ADGB: variants seen among roughly 807,000 people sequenced by gnomAD.
ADGB encodes the protein androglobin.
In ADGB, 172 loss-of-function variants were observed where a neutral mutation model predicts 210.5. The observed-to-expected ratio is 0.82, with a 90% confidence interval of 0.72 to 0.93. ADGB has a LOEUF of 0.93. ADGB is among the 40% of genes least tolerant of loss of function. The probability of loss-of-function intolerance (pLI) is 0.00; values close to 1 mark genes in which losing one functional copy is unlikely to be tolerated. For synonymous variants in ADGB, 658 were observed against 662.7 expected (o/e 0.99, Z 0.11); for missense variants, 2,025 against 1,964.8 (o/e 1.03, Z -0.58).
chr6:146,747,760 T>C (rs948843534), intron 26 of ADGB, among the ~76,000 whole-genome samples: 29 of 130,070 alleles, frequency 2.2e-4, no homozygotes, highest in Admixed American at 2.2e-3. Flanking sequence ...TATGCATGTG[T>C]ATATACATAT....
chr6:146,683,218 C>G (rs1318973185), intron 9 of ADGB, among the ~76,000 whole-genome samples: 2 of 152,056 alleles, frequency 1.3e-5, no homozygotes, highest in African/African-American at 4.8e-5. Context: ...TAAAAGTTAC[C>G]CAGTCTCAGG....
At chr6:146,685,419 A>T (rs777527567) in intron 9 of ADGB, among the ~76,000 whole-genome samples, 24 of 152,056 alleles carry the variant, frequency 1.6e-4, no homozygotes, top group Non-Finnish European at 2.8e-4. Context: ...CCTTTTGAAC[A>T]TTCTCATTTG....
chr6:146,693,011 G>A lies in ADGB; in HGVS notation c.1577+96G>A, dbSNP rs550955706. 3 of 663,096 alleles carry A rather than the reference G, an allele frequency of 4.5e-6. No individual in the cohort carries two copies. The South Asian group carries it at 7.4e-5, about 16-fold the overall frequency. The allele number at this position is 663,096 out of a possible 1,614,324, so 41.1% of individuals were successfully genotyped here. ...TAACACCAAATGGGAGCATTTTGAA[G>A]AATAGTAATTTTAAAATAAGCCCAA... On this transcript the variant is annotated intron_variant, in intron 12 of 35. Transcript: ENST00000397944.
Position 146,801,820 on chromosome 6 carries a change from G to A in ADGB, c.4635-8G>A. The A allele has an allele frequency of 6.5e-7, 1 of 1,531,114 alleles. No individual in the cohort carries two copies. Among genetic ancestry groups the A allele is most frequent in the Non-Finnish European group, 8.8e-7 (1 of 1,136,994 alleles). 94.8% of individuals were successfully genotyped at this position (1,531,114 alleles called of 1,614,324 possible). ...AAATCTGTATCTTTTGATGACTTTT[G>A]TATCAAGGAAAACAGATACAGATCC... On this transcript the variant is annotated splice_region_variant and splice_polypyrimidine_tract_variant and intron_variant, in intron 34 of 35. Coordinates refer to ENST00000397944, the MANE Select transcript of ADGB (RefSeq NM_024694.4).
chr6:146,637,032 A>C (rs1019896280), intron 2 of ADGB, among the ~76,000 whole-genome samples: 2 of 151,956 alleles, frequency 1.3e-5, no homozygotes, highest in African/African-American at 4.8e-5. Context: ...CAAATTGTGA[A>C]TATATTATGC....
At chr6:146,703,045 A>G (rs930264734) in intron 13 of ADGB, among the ~76,000 whole-genome samples, 2 of 151,816 alleles carry the variant, frequency 1.3e-5, no homozygotes, top group African/African-American at 4.8e-5. Context: ...TTGTGACTGA[A>G]CAGCTTTGTA....
At chr6:146,721,259 A>G (rs751585866) in intron 16 of ADGB, 144 bp from the exon 17 acceptor site, 3 of 586,078 alleles carry the variant, frequency 5.1e-6, no homozygotes, top group Non-Finnish European at 9.0e-6. Context: ...TCATATAATT[A>G]GATTCATAAA....
chr6:146,675,397 C>A lies in ADGB; in HGVS notation c.1088-916C>A, dbSNP rs146473079. Reference sequence around the variant, plus strand: ...GGCTGAAGTGGGAGAATTGCCTGAGCCTGGGAGGTCAATGCTGCAGTGAGC... The same window carrying A: ...GGCTGAAGTGGGAGAATTGCCTGAGACTGGGAGGTCAATGCTGCAGTGAGC... On this transcript the variant is annotated intron_variant, in intron 8 of 35. Transcript: ENST00000397944. Among the ~76,000 whole-genome samples, 365 of 152,136 alleles carry A rather than the reference C, an allele frequency of 2.4e-3. 15 individuals carry two copies. In the East Asian group the frequency reaches 0.059, roughly 24 times the overall value.
chr6:146,694,822 C>T (rs1275839148), intron 12 of ADGB, among the ~76,000 whole-genome samples: 1 of 152,120 alleles, frequency 6.6e-6, no homozygotes, highest in African/African-American at 2.4e-5. Context: ...TTACAAAAGC[C>T]AGTGGAATTT....
At chr6:146,605,981 T>G (rs2114824639) in intron 1 of ADGB, among the ~76,000 whole-genome samples, 1 of 152,196 alleles carries the variant, frequency 6.6e-6, no homozygotes, top group East Asian at 1.9e-4. Context: ...CTGTTTTAAG[T>G]TCTTTGAGAA....
intron 8 of ADGB, among the ~76,000 whole-genome samples, chr6:146,675,536 G>A (rs1776072936): frequency 6.6e-6 from 1 of 151,884 alleles, no homozygotes; most frequent in Non-Finnish European, 1.5e-5. Context: ...AACATTATAA[G>A]TAGATAATGT....
At chr6:146,634,206 G>C (rs575122236) in intron 1 of ADGB, among the ~76,000 whole-genome samples, 53 of 152,104 alleles carry the variant, frequency 3.5e-4, no homozygotes, top group Non-Finnish European at 6.3e-4. Flanking sequence ...GTACCATCTA[G>C]CCTAGCTGTG....
At chr6:146,671,653 G>T (rs1776010042) in intron 7 of ADGB, among the ~76,000 whole-genome samples, 1 of 152,110 alleles carries the variant, frequency 6.6e-6, no homozygotes, top group Non-Finnish European at 1.5e-5. Context: ...ATGTAAAATG[G>T]CAAGAACACC....
At chr6:146,739,171 A>T (rs1264549708) in intron 23 of ADGB, among the ~76,000 whole-genome samples, 3 of 152,160 alleles carry the variant, frequency 2.0e-5, no homozygotes, top group Non-Finnish European at 2.9e-5. Context: ...GTTACAGTCA[A>T]TTCCCACTGT....
chr6:146,733,894 G>A lies in ADGB; in HGVS notation c.2658G>A (p.Val886=). The A allele has an allele frequency of 6.4e-7, 1 of 1,551,454 alleles. No homozygotes were observed. The highest frequency in any genetic ancestry group is 8.7e-7 in the Non-Finnish European group (1 of 1,146,904). ...LNSSLEEVSL[V]EWLDVKYCMP... ...CAAAGTTTGTTTTTCCCTTTCCAGTGGAATGGCTGGACGTTAAATATTGTA... is the reference window on the plus strand; with the variant it reads ...CAAAGTTTGTTTTTCCCTTTCCAGTAGAATGGCTGGACGTTAAATATTGTA... The change falls in exon 22 of 36, where the codon GTG becomes GTA. Residue 886 remains valine, a splice_region_variant and synonymous_variant. Coordinates refer to ENST00000397944, the MANE Select transcript of ADGB (RefSeq NM_024694.4).
At chr6:146,782,412 A>G (rs1777814993) in intron 30 of ADGB, among the ~76,000 whole-genome samples, 1 of 152,218 alleles carries the variant, frequency 6.6e-6, no homozygotes, top group Non-Finnish European at 1.5e-5. Flanking sequence ...TATGTAGAAC[A>G]CTATTCATGG....
chr6:146,790,441 G>A (rs535468571), intron 33 of ADGB, among the ~76,000 whole-genome samples: 17 of 152,096 alleles, frequency 1.1e-4, no homozygotes, highest in South Asian at 4.2e-4. Flanking sequence ...AGATCATGCC[G>A]CATTTGTCTC....
At position 146,784,633 on chromosome 6, in the gene ADGB, C is replaced by T. The variant is rs1183395991; in HGVS notation, c.4051C>T (p.Pro1351Ser). The T allele has an allele frequency of 3.2e-6, 5 of 1,546,564 alleles. No individual in the cohort carries two copies. Among genetic ancestry groups the T allele is most frequent in the Non-Finnish European group, 4.4e-6 (5 of 1,144,822 alleles). ...RFEPQISTVH[P>S]QQEDPNKPYW... ...ATTTTATCAGATATCCACTGTTCACCCTCAACAAGAAGACCCAAATAAACC... is the reference window on the plus strand; with the variant it reads ...ATTTTATCAGATATCCACTGTTCACTCTCAACAAGAAGACCCAAATAAACC... Residue 1351 changes from proline (P) to serine (S), a missense_variant, in exon 31 of 36, where the codon CCT (proline) becomes TCT (serine). Transcript: ENST00000397944.
rs1260359948 is a variant in ADGB at position 146,726,090 on chromosome 6, A to G, written c.2245A>G (p.Met749Val). 1.9e-5 allele frequency: 29 copies of G among 1,530,824 alleles called. No homozygotes were observed. In the East Asian group the frequency reaches 4.7e-4, roughly 25 times the overall value. The allele number at this position is 1,530,824 out of a possible 1,614,324, so 94.8% of individuals were successfully genotyped here. ...TVVRLPVGRH[M>V]LLFNAYSPVG... Reference sequence around the variant, plus strand: ...GGCATCCCTTCTCTTTAGGAGACACATGCTACTCTTCAACGCATACTCCCC... The same window carrying G: ...GGCATCCCTTCTCTTTAGGAGACACGTGCTACTCTTCAACGCATACTCCCC... Residue 749 changes from methionine (M) to valine (V), a missense_variant, in exon 19 of 36, where the codon ATG becomes GTG. Met to Val is a conservative substitution (Grantham distance 21). Coordinates refer to ENST00000397944, the MANE Select transcript of ADGB (RefSeq NM_024694.4).
Sources: gnomAD v4.1 joint callset for allele counts (sites outside exome capture counted in the v4.1 genomes callset) on GRCh38, gnomAD v4.1.1 for gene constraint, MANE v1.5 for transcripts, NCBI Gene and HGNC (gene_info 2026-07-23, HGNC 2026-07-21) for gene names.